The following GRM7 variants were observed in gnomAD, a reference collection of about 807,000 sequenced individuals.
GRM7 encodes the protein metabotropic glutamate receptor 7.
A neutral mutation model predicts 84.5 loss-of-function variants in GRM7; 35 were observed. The observed-to-expected ratio is 0.41, with a 90% CI of 0.32 to 0.55. The LOEUF is 0.55. Among genes scored for constraint, GRM7 ranks in the 20% least tolerant of loss-of-function variants. The pLI is 0.19. For synonymous variants in GRM7, 487 were observed against 455.1 expected (o/e 1.07, Z -0.89); for missense variants, 1,003 against 1,194.6 (o/e 0.84, Z 2.36).
intron 3 of GRM7, 32 bp from the exon 4 acceptor site, chr3:7,306,466 A>G (rs759271085): frequency 4.9e-5 from 78 of 1,595,266 alleles, no homozygotes; most frequent in Non-Finnish European, 6.6e-5. Context: ...GTTCTTTATC[A>G]TTAATATAAC....
chr3:7,296,269 A>G (rs1265429560), intron 2 of GRM7, among the ~76,000 whole-genome samples: 1 of 152,082 alleles, frequency 6.6e-6, no homozygotes, highest in East Asian at 1.9e-4. Flanking sequence ...ATCTTTTTAA[A>G]AATTGTTGCT....
chr3:7,561,625 C>G, intron 7 of GRM7: 1 of 454,192 alleles, frequency 2.2e-6, no homozygotes, highest in Non-Finnish European at 4.4e-6. Context: ...CCCTTTAGTC[C>G]TCCAGCAGTC....
At chr3:7,566,154 A>T (rs1694259549) in intron 7 of GRM7, among the ~76,000 whole-genome samples, 1 of 130,074 alleles carries the variant, frequency 7.7e-6, no homozygotes. Flanking sequence ...GAGAGTAAAT[A>T]CTTTAGGCTT....
chr3:7,664,786 T>C (rs186409514), intron 8 of GRM7, among the ~76,000 whole-genome samples: 7 of 152,312 alleles, frequency 4.6e-5, no homozygotes, highest in Admixed American at 3.9e-4. Flanking sequence ...ACTCAATGCT[T>C]ACTTGAAACT....
intron 1 of GRM7, among the ~76,000 whole-genome samples, chr3:6,890,490 G>T (rs982947701): frequency 3.9e-5 from 6 of 152,026 alleles, no homozygotes; most frequent in Non-Finnish European, 8.8e-5. Context: ...CCGTTATGTA[G>T]CCAGTAGTCA....
intron 1 of GRM7, among the ~76,000 whole-genome samples, chr3:6,973,784 G>C (rs1264462700): frequency 2.0e-5 from 3 of 152,214 alleles, no homozygotes. Context: ...TGAGCTAAGG[G>C]AATGTGAAAG....
At chr3:7,009,776 A>T (rs1232094484) in intron 1 of GRM7, among the ~76,000 whole-genome samples, 1 of 152,190 alleles carries the variant, frequency 6.6e-6, no homozygotes, top group East Asian at 1.9e-4. Context: ...ACAGAAAGAG[A>T]CCTTAACTAG....
intron 1 of GRM7, among the ~76,000 whole-genome samples, chr3:6,968,020 G>A (rs1261349985): frequency 6.6e-6 from 1 of 152,208 alleles, no homozygotes; most frequent in Non-Finnish European, 1.5e-5. Flanking sequence ...TGAGACTTGT[G>A]TATTCCCTAG....
chr3:6,904,237 C>G (rs879741161), intron 1 of GRM7, among the ~76,000 whole-genome samples: 1 of 152,022 alleles, frequency 6.6e-6, no homozygotes, highest in Admixed American at 6.6e-5. Context: ...TTTATTCTCT[C>G]TAAATTTTGT....
rs990133079 is a variant in GRM7, at chr3:6,928,116, C to CTT, written c.519+66210_519+66211insTT. Reference sequence around the variant, plus strand: ...GCTCCTTTTTTTTTTTTCTACACTGCTGAGGTAGGTATTTTAACACATCCC... The same window carrying CTT: ...GCTCCTTTTTTTTTTTTCTACACTGCTTTGAGGTAGGTATTTTAACACATCCC... On this transcript the variant is annotated intron_variant, in intron 1 of 9. Coordinates refer to ENST00000357716, the MANE Select transcript of GRM7 (RefSeq NM_000844.4). The surrounding 1 kb of genome is among the most constrained non-coding windows in gnomAD (Gnocchi z 4.5). Among the ~76,000 whole-genome samples the CTT allele has an allele frequency of 6.6e-6, 1 of 150,654 alleles. No individual in the cohort carries two copies. Among genetic ancestry groups the CTT allele is most frequent in the Non-Finnish European group, 1.5e-5 (1 of 67,802 alleles).
chr3:7,575,635 A>G (rs1315383037), intron 7 of GRM7, among the ~76,000 whole-genome samples: 1 of 152,236 alleles, frequency 6.6e-6, no homozygotes, highest in African/African-American at 2.4e-5. Context: ...AATGTTAATC[A>G]GTACCTTCAT....
At chr3:7,045,306 T>A (rs1437360693) in intron 1 of GRM7, among the ~76,000 whole-genome samples, 1 of 152,174 alleles carries the variant, frequency 6.6e-6, no homozygotes, top group Non-Finnish European at 1.5e-5. Context: ...GACCTGTTGC[T>A]GAATCCTCTG....
At chr3:7,125,183 G>A (rs767574772) in intron 1 of GRM7, among the ~76,000 whole-genome samples, 4 of 151,972 alleles carry the variant, frequency 2.6e-5, no homozygotes, top group Non-Finnish European at 5.9e-5. Context: ...CAAGTGTTCC[G>A]CCTCTCTTGG....
intron 2 of GRM7, among the ~76,000 whole-genome samples, chr3:7,182,483 C>T (rs1695373211): frequency 6.6e-6 from 1 of 151,948 alleles, no homozygotes; most frequent in African/African-American, 2.4e-5. Flanking sequence ...TCCTTTCTCT[C>T]AATAATAAAG....
chr3:7,249,750 T>C (rs1176025028), intron 2 of GRM7, among the ~76,000 whole-genome samples: 1 of 152,206 alleles, frequency 6.6e-6, no homozygotes, highest in Admixed American at 6.5e-5. Flanking sequence ...CTGTATTTGT[T>C]ACAATATAGA....
chr3:7,130,960 C>T (rs757248135), intron 1 of GRM7, among the ~76,000 whole-genome samples: 61 of 152,130 alleles, frequency 4.0e-4, no homozygotes, highest in East Asian at 2.5e-3. Context: ...CACACACACA[C>T]GCACACACGT....
chr3:7,602,534 C>T (rs1696364082), intron 8 of GRM7, among the ~76,000 whole-genome samples: 1 of 152,148 alleles, frequency 6.6e-6, no homozygotes, highest in African/African-American at 2.4e-5. Flanking sequence ...ACAGAGGAAA[C>T]AATCCACATC....
At chr3:7,642,389 C>T (rs1214230472) in intron 8 of GRM7, among the ~76,000 whole-genome samples, 3 of 152,164 alleles carry the variant, frequency 2.0e-5, no homozygotes, top group African/African-American at 7.2e-5. Context: ...CGTGCACTCT[C>T]ATAGACGAAA....
At chr3:7,401,350 G>A (rs73013696) in intron 4 of GRM7, among the ~76,000 whole-genome samples, 1 of 152,156 alleles carries the variant, frequency 6.6e-6, no homozygotes, top group Non-Finnish European at 1.5e-5. Flanking sequence ...TAGGGCTGTA[G>A]TGCAAACAGT....
Sources: allele counts gnomAD v4.1 joint callset (sites outside exome capture counted in the v4.1 genomes callset), GRCh38; gene constraint gnomAD v4.1.1; non-coding constraint Gnocchi (gnomAD v3.1); transcripts MANE v1.5; gene names NCBI Gene and HGNC (gene_info 2026-07-23, HGNC 2026-07-21).